KHDRBS2: variants seen among roughly 807,000 people sequenced by gnomAD.
KHDRBS2 encodes KH RNA binding domain containing, signal transduction associated 2.
A neutral mutation model predicts 44.3 loss-of-function variants in KHDRBS2; 26 were observed. That is an observed-to-expected ratio of 0.59 (90% confidence interval 0.43 to 0.81). The LOEUF is 0.81. Among genes scored for constraint, KHDRBS2 ranks in the 40% least tolerant of loss-of-function variants. The probability of loss-of-function intolerance (pLI) is 0.00; values close to 1 mark genes in which losing one functional copy is unlikely to be tolerated. For synonymous variants in KHDRBS2, 194 were observed against 151.1 expected (o/e 1.28, Z -2.08); for missense variants, 476 against 433.1 (o/e 1.10, Z -0.88).
intron 6 of KHDRBS2, among the ~76,000 whole-genome samples, chr6:61,807,382 G>T (rs1787333089): frequency 1.3e-5 from 2 of 152,096 alleles, no homozygotes; most frequent in Non-Finnish European, 2.9e-5. Flanking sequence ...TATGTTCATT[G>T]TAGCACTACT....
At position 62,169,158 on chromosome 6, in the gene KHDRBS2, C is replaced by A. The variant is rs551893408; in HGVS notation, c.219+8027G>T. ...ACACACATATATGTGTGTATATATA[C>A]GTACACATATATGTATATATGTATA... On this transcript the variant is annotated intron_variant, in intron 2 of 8. Coordinates refer to ENST00000281156, the MANE Select transcript of KHDRBS2 (RefSeq NM_152688.4). 7.5e-5 allele frequency among the ~76,000 whole-genome samples: 6 copies of A among 79,996 alleles called. No individual in the cohort carries two copies. The South Asian group carries it at 2.2e-3, about 29-fold the overall frequency. The allele number at this position is 79,996 out of a possible 152,430, so 52.5% of individuals were successfully genotyped here.
chr6:61,794,695 A>G (rs1298480080), intron 6 of KHDRBS2, among the ~76,000 whole-genome samples: 1 of 152,182 alleles, frequency 6.6e-6, no homozygotes, highest in Non-Finnish European at 1.5e-5. Context: ...AGATTACACC[A>G]TACAGTACCA....
chr6:62,105,929 C>T lies in KHDRBS2; in HGVS notation c.220-57935G>A, dbSNP rs569314338. Among the ~76,000 whole-genome samples the T allele has an allele frequency of 4.6e-5, 7 of 152,218 alleles. No individual in the cohort carries two copies. The East Asian group carries it at 1.2e-3, about 25-fold the overall frequency. On this transcript the variant is annotated intron_variant, in intron 2 of 8. Coordinates refer to ENST00000281156, the MANE Select transcript of KHDRBS2 (RefSeq NM_152688.4). The stretch of plus-strand genomic sequence containing the variant: ...TGTGGGCATTTAGTGCTATAAATTT[C>T]CCTCTACACACTGTTTTGAATGTGT...
At chr6:61,645,886 A>G in the KHDRBS2 span, among the ~76,000 whole-genome samples, 1 of 152,114 alleles carries the variant, frequency 6.6e-6, no homozygotes. Context: ...GATGATTGTG[A>G]TGGTGGTATG....
At chr6:62,034,291 A>G (rs1784860275) in intron 3 of KHDRBS2, among the ~76,000 whole-genome samples, 1 of 151,914 alleles carries the variant, frequency 6.6e-6, no homozygotes, top group Non-Finnish European at 1.5e-5. Flanking sequence ...TATTCCAACA[A>G]ACAGAGGAGA....
intron 6 of KHDRBS2, among the ~76,000 whole-genome samples, chr6:61,792,560 T>C (rs1280452959): frequency 3.3e-5 from 5 of 151,714 alleles, no homozygotes; most frequent in Non-Finnish European, 5.9e-5. Context: ...ACATAGAGTA[T>C]ATCGTTGTAG....
intron 4 of KHDRBS2, among the ~76,000 whole-genome samples, chr6:61,946,470 G>A (rs1356983264): frequency 2.0e-5 from 3 of 152,106 alleles, no homozygotes; most frequent in Non-Finnish European, 2.9e-5. Flanking sequence ...GCAGAATATT[G>A]TCCTAAAGTC....
the KHDRBS2 span, among the ~76,000 whole-genome samples, chr6:61,576,673 C>T: frequency 0.11 from 16,533 of 152,016 alleles, 997 homozygotes; most frequent in East Asian, 0.23. Flanking sequence ...GTAGCTGACA[C>T]AAAATAAACT....
At chr6:62,087,356 A>G (rs1798586831) in intron 2 of KHDRBS2, among the ~76,000 whole-genome samples, 1 of 152,118 alleles carries the variant, frequency 6.6e-6, no homozygotes, top group African/African-American at 2.4e-5. Context: ...TTTAGGATCT[A>G]AAAAATTAGA....
At chr6:61,981,351 G>T (rs757493400) in intron 3 of KHDRBS2, among the ~76,000 whole-genome samples, 1 of 151,806 alleles carries the variant, frequency 6.6e-6, no homozygotes, top group Non-Finnish European at 1.5e-5. Context: ...TAAGTAATCT[G>T]CCTAGAAAAC....
chr6:62,085,825 G>T (rs1412224625), intron 2 of KHDRBS2, among the ~76,000 whole-genome samples: 1 of 152,110 alleles, frequency 6.6e-6, no homozygotes, highest in Non-Finnish European at 1.5e-5. Context: ...ATGAAAAAGG[G>T]GCACTGAAAG....
intron 7 of KHDRBS2, among the ~76,000 whole-genome samples, chr6:61,723,536 A>C (rs1169624850): frequency 6.6e-6 from 1 of 151,982 alleles, no homozygotes; most frequent in East Asian, 1.9e-4. Flanking sequence ...GCAACAGAGA[A>C]AGACTCCATC....
At chr6:62,029,714 G>C (rs1474829370) in intron 3 of KHDRBS2, among the ~76,000 whole-genome samples, 1 of 151,806 alleles carries the variant, frequency 6.6e-6, no homozygotes, top group East Asian at 1.9e-4. Context: ...AAAACAGAAA[G>C]GAGTGCAGCA....
At chr6:62,180,063 C>T (rs1425469681) in intron 1 of KHDRBS2, among the ~76,000 whole-genome samples, 4 of 151,748 alleles carry the variant, frequency 2.6e-5, no homozygotes, top group African/African-American at 9.7e-5. Context: ...TTTATGACTG[C>T]ATAGTAAACC....
intron 1 of KHDRBS2, among the ~76,000 whole-genome samples, chr6:62,201,997 G>A (rs764596690): frequency 3.0e-4 from 45 of 151,940 alleles, no homozygotes; most frequent in Non-Finnish European, 6.3e-4. Flanking sequence ...AAAACTCTAA[G>A]TAATTACTTA....
the KHDRBS2 span, among the ~76,000 whole-genome samples, chr6:61,657,843 C>A: frequency 6.6e-6 from 1 of 151,888 alleles, no homozygotes; most frequent in Non-Finnish European, 1.5e-5. Flanking sequence ...AAAGAAAAAA[C>A]CTAAAAGCTT....
the KHDRBS2 span, among the ~76,000 whole-genome samples, chr6:61,617,216 C>T: frequency 6.6e-6 from 1 of 152,134 alleles, no homozygotes; most frequent in Non-Finnish European, 1.5e-5. Flanking sequence ...AGTTCCATAT[C>T]ACATTTTAAA....
intron 1 of KHDRBS2, among the ~76,000 whole-genome samples, chr6:62,214,824 A>T (rs1316543673): frequency 3.3e-5 from 5 of 151,958 alleles, no homozygotes; most frequent in Non-Finnish European, 7.4e-5. Flanking sequence ...TCTGTAACAT[A>T]TCACAATAAT....
intron 2 of KHDRBS2, among the ~76,000 whole-genome samples, chr6:62,132,696 A>C (rs1810607682): frequency 6.6e-6 from 1 of 152,186 alleles, no homozygotes; most frequent in Non-Finnish European, 1.5e-5. Flanking sequence ...TTCCTGAAAG[A>C]TGCTTAGTAG....
Sources: allele counts gnomAD v4.1 joint callset (sites outside exome capture counted in the v4.1 genomes callset), GRCh38; gene constraint gnomAD v4.1.1; transcripts MANE v1.5; gene names NCBI Gene and HGNC (gene_info 2026-07-23, HGNC 2026-07-21).